The following HSF1 variants were observed in gnomAD, a reference collection of about 807,000 sequenced individuals.
The protein encoded by HSF1 is heat shock factor protein 1.
HSF1 carries 32 observed loss-of-function variants against 51.7 expected under a neutral mutation model. The ratio of observed to expected loss-of-function variants is 0.62; its 90% CI spans 0.47 to 0.83. The LOEUF is 0.83. Ranked by LOEUF, HSF1 falls within the 40% of genes least tolerant of loss-of-function variation. HSF1 has a pLI of 0.00. For missense variants in HSF1, 727 were observed against 717.0 expected (o/e 1.01, Z -0.16); for synonymous variants, 396 against 309.7 (o/e 1.28, Z -2.92).
At chr8:144,309,189 T>C in intron 2 of HSF1, 175 bp downstream of exon 2, 2 of 665,396 alleles carry the variant, frequency 3.0e-6, no homozygotes, top group Non-Finnish European at 5.2e-6. Context: ...TGGGGGAGGG[T>C]CCTTGTGGGT....
Position 144,312,149 on chromosome 8 carries a change from G to A in HSF1, c.1047G>A (p.Thr349=), listed in dbSNP as rs141516077. The A allele has an allele frequency of 3.9e-5, 63 of 1,611,150 alleles. 1 individual carries two copies. The highest frequency in any genetic ancestry group is 3.3e-4 in the East Asian group (15 of 44,878). Reference sequence around the variant, plus strand: ...CCCCCGCCTCCGTCACAGCCCTCACGGACGCCAGGGGCCACACGGACACCG... The same window carrying A: ...CCCCCGCCTCCGTCACAGCCCTCACAGACGCCAGGGGCCACACGGACACCG... ...EPAPASVTAL[T]DARGHTDTEG... is the part of the protein sequence containing the mutation. The change falls in exon 9 of 13, where the codon ACG becomes ACA. Residue 349 remains threonine (T), a synonymous_variant. Coordinates refer to ENST00000528838, the MANE Select transcript of HSF1 (RefSeq NM_005526.4).
rs547738432 is a variant in HSF1 at position 144,312,254 on chromosome 8, GCCCACCCCTGGC to G, written c.1142+18_1142+29del. 1.3e-6 allele frequency: 2 copies of G among 1,536,676 alleles called. No individual in the cohort carries two copies. The highest frequency in any genetic ancestry group is 1.2e-5 in the South Asian group (1 of 85,212). On this transcript the variant is annotated intron_variant, in intron 9 of 12. Transcript: ENST00000528838. ...TAGCCTGCCTGGACAAGTGAGTGCC[GCCCACCCCTGGC>G]CCCACCCACAGCGCCTGGACGCACA...
rs554090008 is a variant in HSF1, at chr8:144,297,377, T to A, written c.117+5503T>A. Among the ~76,000 whole-genome samples the A allele has an allele frequency of 2.0e-5, 3 of 152,284 alleles. No homozygotes were observed. Among genetic ancestry groups the A allele is most frequent in the African/African-American group, 7.2e-5 (3 of 41,546 alleles). Reference sequence around the variant, plus strand: ...TGAGCAGCAGTAGCCACCACACTTGTGCACGGCAGCCAGTGACGAGATGTG... The same window carrying A: ...TGAGCAGCAGTAGCCACCACACTTGAGCACGGCAGCCAGTGACGAGATGTG... On this transcript the variant is annotated intron_variant, in intron 1 of 12. Coordinates refer to ENST00000528838, the MANE Select transcript of HSF1 (RefSeq NM_005526.4). This position sits in a 1 kb window ranked among gnomAD's most constrained non-coding sequence, Gnocchi z 4.6.
chr8:144,314,016 C>A lies in HSF1; in HGVS notation c.1346C>A (p.Pro449His), dbSNP rs781860966. 6.2e-7 allele frequency: 1 copy of A among 1,611,112 alleles called. No individual in the cohort carries two copies. Among genetic ancestry groups the A allele is most frequent in the South Asian group, 1.1e-5 (1 of 90,948 alleles). ...GAGCTCCTGTCTCCCCAGGAGCCCC[C>A]CAGGCCTCCCGAGGCAGAGAACAGC... ...IQELLSPQEP[P>H]RPPEAENSSP... The change falls in exon 12 of 13, where the codon CCC (proline) becomes CAC (histidine). Residue 449 changes from proline to histidine, a missense_variant. Pro to His is a moderately conservative substitution (Grantham distance 77). Around this residue, in one of 2 missense-constraint regions of HSF1, gnomAD observed 470 missense variants for 398.8 expected, o/e 1.18. Transcript: ENST00000528838.
At chr8:144,309,079 C>A in intron 2 of HSF1, 65 bp downstream of exon 2, 1 of 1,229,874 alleles carries the variant, frequency 8.1e-7, no homozygotes, top group Non-Finnish European at 1.2e-6. Context: ...GGGACCCCAG[C>A]AGGAGGACCC....
At chr8:144,309,681 C>CCTT (rs1816472915) in intron 3 of HSF1, 90 bp downstream of exon 3, 2 of 1,598,562 alleles carry the variant, frequency 1.3e-6, no homozygotes, top group Non-Finnish European at 1.7e-6. Context: ...CCAGCCTGCC[C>CCTT]CTTCCTGAGG....
intron 1 of HSF1, among the ~76,000 whole-genome samples, chr8:144,306,111 CTCTT>C (rs1283657115): frequency 1.3e-5 from 2 of 152,274 alleles, no homozygotes; most frequent in East Asian, 3.9e-4. Context: ...CAATTTTTAT[CTCTT>C]TATTGATACT....
chr8:144,306,958 C>T (rs7814279), intron 1 of HSF1, among the ~76,000 whole-genome samples: 61,385 of 151,882 alleles, frequency 0.4, 13,601 homozygotes, highest in East Asian at 0.53. Flanking sequence ...CTTCAGCACT[C>T]GGCCAGGCAG....
In HSF1 at chr8:144,312,368, G is replaced by A. The variant is rs1588664719; in HGVS notation, c.1142+124G>A. 1.3e-5 allele frequency: 10 copies of A among 792,748 alleles called. No homozygotes were observed. The East Asian group carries it at 2.4e-4, about 19-fold the overall frequency. 49.1% of individuals were successfully genotyped at this position (792,748 alleles called of 1,614,324 possible). On this transcript the variant is annotated intron_variant, in intron 9 of 12. Transcript: ENST00000528838. ...GAGGCAGGACCCTACCCCCAACCTC[G>A]GAGCTCGGGGCTGGGGAGGGAGACA...
At position 144,291,952 on chromosome 8, in the gene HSF1, C is replaced by T. The variant is rs918334470; in HGVS notation, c.117+78C>T. The T allele has an allele frequency of 1.1e-4, 80 of 701,158 alleles. 2 individuals carry two copies. In the South Asian group the frequency reaches 2.2e-3, roughly 19 times the overall value. 43.4% of individuals were successfully genotyped at this position (701,158 alleles called of 1,614,324 possible). On this transcript the variant is annotated intron_variant, in intron 1 of 12. Transcript: ENST00000528838. This position sits in a 1 kb window ranked among gnomAD's most constrained non-coding sequence, Gnocchi z 4.1. ...CGCGGCGGACGGCGCGGGAGGGCTG[C>T]GGGGAGGGGCCCTGCCGCACTTCAG...
rs377159199 is a variant in HSF1 at position 144,309,446 on chromosome 8, T to C, written c.227-9T>C. On this transcript the variant is annotated splice_polypyrimidine_tract_variant and intron_variant, in intron 2 of 12. Coordinates refer to ENST00000528838, the MANE Select transcript of HSF1 (RefSeq NM_005526.4). The stretch of plus-strand genomic sequence containing the variant: ...GAGGCAGAGCTGCCCCCTTCCCTGT[T>C]ATGTGCAGATGGCTTCCGGAAAGTG... The C allele has an allele frequency of 1.9e-6, 3 of 1,613,660 alleles. No individual in the cohort carries two copies. Among genetic ancestry groups the C allele is most frequent in the Non-Finnish European group, 2.5e-6 (3 of 1,179,954 alleles).
Position 144,314,125 on chromosome 8 carries a change from G to C in HSF1, c.1385G>C (p.Gly462Ala). The C allele has an allele frequency of 3.3e-6, 5 of 1,528,898 alleles. No individual in the cohort carries two copies. Among genetic ancestry groups the C allele is most frequent in the Non-Finnish European group, 4.4e-6 (5 of 1,136,558 alleles). 94.7% of individuals were successfully genotyped at this position (1,528,898 alleles called of 1,614,324 possible). A position where few individuals can be genotyped will look rare whatever the true frequency, so the allele number is the denominator to read the frequency against. ...PEAENSSPDS[G>A]KQLVHYTAQP... ...CGCCTTGACACCCCCACCCCCGCAG[G>C]GAAGCAGCTGGTGCACTACACAGCG... Residue 462 changes from glycine (G) to alanine (A), a missense_variant and splice_region_variant, in exon 13 of 13, where the codon GGG becomes GCG. By Grantham distance (60) the Gly-to-Ala change is moderately conservative. This residue lies in a region of HSF1 where 470 missense variants were observed against 398.8 expected (regional missense o/e 1.18). Coordinates refer to ENST00000528838, the MANE Select transcript of HSF1 (RefSeq NM_005526.4).
At position 144,314,348 on chromosome 8, in the gene HSF1, G is replaced by C. The variant is rs1817078761; in HGVS notation, c.*18G>C. 6.5e-7 allele frequency: 1 copy of C among 1,538,168 alleles called. No individual in the cohort carries two copies. The highest frequency in any genetic ancestry group is 8.8e-7 in the Non-Finnish European group (1 of 1,137,140). On this transcript the variant is annotated 3_prime_UTR_variant, in exon 13 of 13. Transcript: ENST00000528838. ...TCTCCTAGAGGCCCCGGAGGAGCTG[G>C]GCCAGCCGCCCACCCCCACCCCCAG... is the stretch of plus-strand genomic sequence containing the variant.
chr8:144,312,641 C>T, intron 9 of HSF1: 1 of 1,535,420 alleles, frequency 6.5e-7, no homozygotes, highest in Non-Finnish European at 8.7e-7. Context: ...GGCTCGCACT[C>T]CACAGATGTC....
In HSF1 at chr8:144,312,115, G is replaced by C; in HGVS notation, c.1013G>C (p.Ser338Thr). Residue 338 changes from serine to threonine, a missense_variant, in exon 9 of 13, where the codon AGT (serine) becomes ACT (threonine). By Grantham distance (58) the Ser-to-Thr change is moderately conservative. Transcript: ENST00000528838. ...TALIDSILRE[S>T]EPAPASVTAL... ...CTCATTGACTCCATCCTGCGGGAGA[G>C]TGAACCTGCCCCCGCCTCCGTCACA... The C allele has an allele frequency of 6.2e-7, 1 of 1,612,368 alleles. No individual in the cohort carries two copies. The highest frequency in any genetic ancestry group is 8.5e-7 in the Non-Finnish European group (1 of 1,179,814).
chr8:144,296,928 G>GC lies in HSF1; in HGVS notation c.117+5054_117+5055insC, dbSNP rs1588626978. Among the ~76,000 whole-genome samples the GC allele has an allele frequency of 1.6e-4, 6 of 36,768 alleles. No individual in the cohort carries two copies. In the Admixed American group the frequency reaches 2.4e-3, roughly 15 times the overall value. 24.1% of individuals were successfully genotyped at this position (36,768 alleles called of 152,430 possible). A position where few individuals can be genotyped will look rare whatever the true frequency, so the allele number is the denominator to read the frequency against. On this transcript the variant is annotated intron_variant, in intron 1 of 12. Coordinates refer to ENST00000528838, the MANE Select transcript of HSF1 (RefSeq NM_005526.4). The stretch of plus-strand genomic sequence containing the variant: ...TTTCCTCTGCCCCGGATGGTGTGGT[G>GC]GGGGGGGTGCGGTGAGGAGGGGCCC...
chr8:144,314,653 C>G lies in HSF1; in HGVS notation c.*323C>G. Reference sequence around the variant, plus strand: ...CCGTTCCCCGCTCCACAGAGATACACAGATATATACACACAGTGGATGGAC... The same window carrying G: ...CCGTTCCCCGCTCCACAGAGATACAGAGATATATACACACAGTGGATGGAC... On this transcript the variant is annotated 3_prime_UTR_variant, in exon 13 of 13. Transcript: ENST00000528838. 2 of 391,320 alleles carry G rather than the reference C, an allele frequency of 5.1e-6. No individual in the cohort carries two copies. The highest frequency in any genetic ancestry group is 3.4e-5 in the South Asian group (1 of 29,684). 24.2% of individuals were successfully genotyped at this position (391,320 alleles called of 1,614,324 possible). A position where few individuals can be genotyped will look rare whatever the true frequency, so the allele number is the denominator to read the frequency against.
intron 1 of HSF1, among the ~76,000 whole-genome samples, chr8:144,303,466 A>G (rs1033125155): frequency 6.6e-6 from 1 of 151,982 alleles, no homozygotes; most frequent in East Asian, 1.9e-4. Context: ...ATTTCTCTGC[A>G]CCACCCTTCT....
rs1455429192 is a variant in HSF1, at chr8:144,293,034, C to T, written c.117+1160C>T. ...CCGTGACCGGCAGGGTGCCACCAAG[C>T]ATGTGTGGCCTCCCAGGAGCTAAGA... On this transcript the variant is annotated intron_variant, in intron 1 of 12. Coordinates refer to ENST00000528838, the MANE Select transcript of HSF1 (RefSeq NM_005526.4). 2.2e-4 allele frequency among the ~76,000 whole-genome samples: 34 copies of T among 152,230 alleles called. 1 individual carries two copies.
Sources: allele counts gnomAD v4.1 joint callset (sites outside exome capture counted in the v4.1 genomes callset), GRCh38; gene constraint gnomAD v4.1.1; regional missense constraint gnomAD v4.1.1; non-coding constraint Gnocchi (gnomAD v3.1); transcripts MANE v1.5; gene names NCBI Gene and HGNC (gene_info 2026-07-23, HGNC 2026-07-21).